STAG2: variants seen among roughly 807,000 people sequenced by gnomAD.
STAG2 encodes the protein STAG2 cohesin complex component, also known as cohesin subunit SA-2.
A neutral mutation model predicts 108.1 loss-of-function variants in STAG2; 14 were observed. The ratio of observed to expected loss-of-function variants is 0.13; its 90% confidence interval spans 0.09 to 0.20. The LOEUF (loss-of-function observed/expected upper bound fraction) is 0.20, where lower values mean the gene tolerates loss of function less well. Among genes scored for constraint, STAG2 ranks in the 10% least tolerant of loss-of-function variants. STAG2 has a pLI of 1.00. For missense variants in STAG2, 440 were observed against 940.9 expected, an observed-to-expected ratio of 0.47 and a Z score of 6.96; for synonymous variants, 307 against 302.7, an observed-to-expected ratio of 1.01 and a Z score of -0.15.
chrX:124,031,568 GTTTT>G (rs1263187128), intron 5 of STAG2, among the ~76,000 whole-genome samples: 4 of 102,899 alleles, frequency 3.9e-5, no homozygotes, highest in African/African-American at 1.1e-4. Flanking sequence ...TTGTTTTTTT[GTTTT>G]TTTGTTTTTT....
intron 13 of STAG2, among the ~76,000 whole-genome samples, chrX:124,052,371 T>C (rs1313387384): frequency 1.8e-5 from 2 of 112,164 alleles, no homozygotes; most frequent in Non-Finnish European, 3.8e-5. Flanking sequence ...ACCACTGTTT[T>C]ATTTTCTATC....
At chrX:123,979,679 G>C (rs2054782500) in intron 1 of STAG2, among the ~76,000 whole-genome samples, 1 of 111,206 alleles carries the variant, frequency 9.0e-6, no homozygotes, top group Non-Finnish European at 1.9e-5. Flanking sequence ...CTTCAGCTCA[G>C]CTTCTAGGTT....
At position 124,066,444 on chromosome X, in the gene STAG2, G is replaced by A. The variant is rs146973846; in HGVS notation, c.2265+8G>A. ...GAAAGCAGCTCTACAAAGGTTTGTG[G>A]TGGTTCAGTAGTGTTTTTATTAGAC... On this transcript the variant is annotated splice_region_variant and intron_variant, in intron 23 of 34. Coordinates refer to ENST00000371145, the MANE Select transcript of STAG2 (RefSeq NM_001042750.2). 3.4e-6 allele frequency: 4 copies of A among 1,176,986 alleles called. No individual in the cohort carries two copies. The highest frequency in any genetic ancestry group is 3.6e-5 in the South Asian group (2 of 54,913).
chrX:124,042,475 G>C (rs2057749513), intron 6 of STAG2, 94 bp from the exon 7 acceptor site: 4 of 566,713 alleles, frequency 7.1e-6, no homozygotes, highest in Non-Finnish European at 1.2e-5. Context: ...TTTATTGTGT[G>C]ACCATAGACT....
Position 124,050,788 on chromosome X carries a change from T to C in STAG2, c.1018-333T>C, listed in dbSNP as rs1034156357. 4.5e-5 allele frequency among the ~76,000 whole-genome samples: 5 copies of C among 111,955 alleles called. No homozygotes were observed. In the East Asian group the frequency reaches 1.4e-3, roughly 31 times the overall value. On this transcript the variant is annotated intron_variant, in intron 11 of 34. Transcript: ENST00000371145. Reference sequence around the variant, plus strand: ...TCTTCACTTGCCTTGAAGAAATTGATTGTATATAATTCTTTCCAAACATTA... The same window carrying C: ...TCTTCACTTGCCTTGAAGAAATTGACTGTATATAATTCTTTCCAAACATTA...
At position 124,086,682 on chromosome X, in the gene STAG2, C is replaced by T. The variant is rs751214611; in HGVS notation, c.3189C>T (p.Ile1063=). 1.2e-5 allele frequency: 14 copies of T among 1,209,865 alleles called. No individual in the cohort carries two copies. In the East Asian group the frequency reaches 3.8e-4, roughly 33 times the overall value. The change falls in exon 30 of 35, where the codon ATC becomes ATT. Residue 1063 remains isoleucine (I), a synonymous_variant. Transcript: ENST00000371145. ...DDDTMSVISG[I]SSRGSTVRSK... ...ACACCATGTCAGTCATTAGTGGAAT[C>T]AGCAGCCGGGGGTCAACAGTACGGA...
chrX:123,998,797 G>T (rs1456698261), intron 1 of STAG2, among the ~76,000 whole-genome samples: 1 of 111,523 alleles, frequency 9.0e-6, no homozygotes, highest in Non-Finnish European at 1.9e-5. Context: ...GTACATTGTA[G>T]AAAAAATCTA....
chrX:124,058,133 A>T (rs2058265426), intron 15 of STAG2, among the ~76,000 whole-genome samples, 156 bp downstream of exon 15: 1 of 105,105 alleles, frequency 9.5e-6, no homozygotes, highest in African/African-American at 3.4e-5. Context: ...TTTTTTTTTA[A>T]ATATGCTTTC....
rs2053873777 is a variant in STAG2 at position 123,961,767 on chromosome X, C to G, written c.-252C>G. ...ATGTGACGGGCCCCTCTGCTTCTCCCCCGCCCCATCATCTCCAGCGCGTGG... is the reference window on the plus strand; with the variant it reads ...ATGTGACGGGCCCCTCTGCTTCTCCGCCGCCCCATCATCTCCAGCGCGTGG... On this transcript the variant is annotated 5_prime_UTR_variant, in exon 1 of 35. Transcript: ENST00000371145. 9.2e-6 allele frequency: 1 copy of G among 108,602 alleles called. No homozygotes were observed. The highest frequency in any genetic ancestry group is 9.7e-5 in the Admixed American group (1 of 10,258). 9.0% of individuals were successfully genotyped at this position (108,602 alleles called of 1,213,427 possible).
At chrX:124,068,526 A>G in intron 23 of STAG2, 38 bp from the exon 24 acceptor site, 1 of 969,526 alleles carries the variant, frequency 1.0e-6, no homozygotes, top group South Asian at 2.2e-5. Flanking sequence ...AATTGTTTAT[A>G]CAATATTTTT....
intron 1 of STAG2, among the ~76,000 whole-genome samples, chrX:124,001,580 T>G (rs1351614485): frequency 9.0e-6 from 1 of 111,604 alleles, no homozygotes; most frequent in Non-Finnish European, 1.9e-5. Context: ...TTTTTTATCT[T>G]TTATATGGTA....
intron 1 of STAG2, among the ~76,000 whole-genome samples, chrX:124,005,088 A>G (rs779742153): frequency 8.9e-6 from 1 of 112,267 alleles, no homozygotes; most frequent in South Asian, 3.7e-4. Flanking sequence ...TCGATTACTT[A>G]TAACACCTAA....
chrX:124,025,755 C>A, intron 3 of STAG2, 85 bp from the exon 4 acceptor site: 1 of 656,919 alleles, frequency 1.5e-6, no homozygotes, highest in Non-Finnish European at 2.3e-6. Flanking sequence ...GTTAACCAAG[C>A]CTTTCTTTTA....
At chrX:124,078,491 G>A (rs903985071) in intron 27 of STAG2, among the ~76,000 whole-genome samples, 1 of 111,534 alleles carries the variant, frequency 9.0e-6, no homozygotes, top group Non-Finnish European at 1.9e-5. Flanking sequence ...TTTCTGCGAT[G>A]ACCGTTGTAC....
At chrX:123,972,425 C>A (rs1295220653) in intron 1 of STAG2, among the ~76,000 whole-genome samples, 1 of 109,043 alleles carries the variant, frequency 9.2e-6, no homozygotes, top group Non-Finnish European at 1.9e-5. Flanking sequence ...CGCCTGCCAC[C>A]ATGGCCGGCT....
intron 1 of STAG2, among the ~76,000 whole-genome samples, chrX:123,997,458 CCA>C (rs1261838245): frequency 8.9e-6 from 1 of 112,034 alleles, no homozygotes; most frequent in African/African-American, 3.2e-5. Flanking sequence ...AACAATGACT[CCA>C]CAGTGGAGGA....
chrX:124,031,349 A>ATTTAT (rs1217920001), intron 5 of STAG2, among the ~76,000 whole-genome samples: 1 of 108,012 alleles, frequency 9.3e-6, no homozygotes, highest in East Asian at 2.9e-4. Context: ...CTTTTTTCTT[A>ATTTAT]TTTATTTTAT....
At chrX:124,002,978 G>GTT (rs1470669930) in intron 1 of STAG2, among the ~76,000 whole-genome samples, 1 of 106,388 alleles carries the variant, frequency 9.4e-6, no homozygotes, top group African/African-American at 3.4e-5. Context: ...TTGTTTGTTT[G>GTT]TTTTTTTGAG....
chrX:123,968,438 T>A (rs1258690099), intron 1 of STAG2, among the ~76,000 whole-genome samples: 2 of 111,564 alleles, frequency 1.8e-5, no homozygotes, highest in East Asian at 5.6e-4. Context: ...GGTGGGAAGA[T>A]CTGTTGAGCC....
Sources: gnomAD v4.1 joint callset for allele counts (sites outside exome capture counted in the v4.1 genomes callset) on GRCh38, gnomAD v4.1.1 for gene constraint, MANE v1.5 for transcripts, NCBI Gene and HGNC (gene_info 2026-07-23, HGNC 2026-07-21) for gene names.